The following MAP3K7 variants were observed in gnomAD, a reference collection of about 807,000 sequenced individuals.
The protein encoded by MAP3K7 is mitogen-activated protein kinase kinase kinase 7.
A neutral mutation model predicts 84.8 loss-of-function variants in MAP3K7; 21 were observed. The ratio of observed to expected loss-of-function variants is 0.25; its 90% CI spans 0.18 to 0.36. The LOEUF is 0.36. Ranked by LOEUF, MAP3K7 falls within the 10% of genes least tolerant of loss-of-function variation. The pLI is 1.00. For missense variants in MAP3K7, 503 were observed against 747.7 expected (o/e 0.67, Z 3.82); for synonymous variants, 241 against 247.7 (o/e 0.97, Z 0.25).
intron 3 of MAP3K7, among the ~76,000 whole-genome samples, chr6:90,564,277 T>C (rs1481972902): frequency 2.0e-5 from 3 of 152,098 alleles, no homozygotes; most frequent in South Asian, 2.1e-4. Context: ...GACTGGCAAA[T>C]TGGATAGAGA....
At chr6:90,536,479 G>C in intron 12 of MAP3K7, 78 bp from the exon 13 acceptor site, 1 of 930,752 alleles carries the variant, frequency 1.1e-6, no homozygotes, top group East Asian at 2.9e-5. Flanking sequence ...ACAGCAGAAA[G>C]TTGGAATTTG....
chr6:90,584,183 T>C (rs1345906645), intron 1 of MAP3K7, among the ~76,000 whole-genome samples: 1 of 152,180 alleles, frequency 6.6e-6, no homozygotes, highest in Non-Finnish European at 1.5e-5. Flanking sequence ...ATAGTTTTTG[T>C]TTCTGGTCAT....
chr6:90,564,479 T>C, intron 3 of MAP3K7, among the ~76,000 whole-genome samples: 1 of 152,138 alleles, frequency 6.6e-6, no homozygotes, highest in East Asian at 1.9e-4. Flanking sequence ...AAGAAGGCCA[T>C]TACATAATGG....
At chr6:90,521,372 T>A (rs1003990178) in intron 14 of MAP3K7, among the ~76,000 whole-genome samples, 3 of 152,042 alleles carry the variant, frequency 2.0e-5, no homozygotes, top group African/African-American at 7.2e-5. Flanking sequence ...CTCTCTTTTC[T>A]GACCCCTCAA....
intron 13 of MAP3K7, among the ~76,000 whole-genome samples, chr6:90,534,769 A>C (rs1437898149): frequency 1.3e-5 from 2 of 152,188 alleles, no homozygotes; most frequent in African/African-American, 4.8e-5. Flanking sequence ...GCTGCTCCTG[A>C]CATGTCTTAG....
At position 90,544,286 on chromosome 6, in the gene MAP3K7, G is replaced by T. The variant is rs1775936525; in HGVS notation, c.1291+266C>A. 1.3e-5 allele frequency among the ~76,000 whole-genome samples: 2 copies of T among 152,110 alleles called. 1 individual carries two copies. Among genetic ancestry groups the T allele is most frequent in the South Asian group, 4.1e-4 (2 of 4,836 alleles). ...GTGCTCACTTAAAAGTAGAGAGGAA[G>T]TTGGTAGAATTCTGGGTTGGTGTTC... is the stretch of plus-strand genomic sequence containing the variant. On this transcript the variant is annotated intron_variant, in intron 12 of 16. Coordinates refer to ENST00000369329, the MANE Select transcript of MAP3K7 (RefSeq NM_145331.3).
At chr6:90,553,960 C>T (rs896298548) in intron 6 of MAP3K7, among the ~76,000 whole-genome samples, 1 of 152,200 alleles carries the variant, frequency 6.6e-6, no homozygotes, top group South Asian at 2.1e-4. Flanking sequence ...TATTCTGAGA[C>T]AGGATCTCAC....
At chr6:90,566,370 G>T (rs1776705105) in intron 3 of MAP3K7, among the ~76,000 whole-genome samples, 1 of 152,130 alleles carries the variant, frequency 6.6e-6, no homozygotes, top group Non-Finnish European at 1.5e-5. Flanking sequence ...AAAGTCTCAG[G>T]ATACAAAATT....
rs979586787 is a variant in MAP3K7, at chr6:90,523,876, G to C, written c.1357-93C>G. On this transcript the variant is annotated intron_variant, in intron 13 of 16. Transcript: ENST00000369329. ...CCATTAAAAGGCAAGAAGAGACTTA[G>C]AGATCCCCCCAAAACTCTTGTAAAC... 7 of 724,954 alleles carry C rather than the reference G, an allele frequency of 9.7e-6. No homozygotes were observed. In the Admixed American group the frequency reaches 1.5e-4, roughly 16 times the overall value. 44.9% of individuals were successfully genotyped at this position (724,954 alleles called of 1,614,324 possible).
chr6:90,520,737 C>T (rs893167738), intron 14 of MAP3K7, among the ~76,000 whole-genome samples: 1 of 152,002 alleles, frequency 6.6e-6, no homozygotes, highest in Non-Finnish European at 1.5e-5. Flanking sequence ...TCTGAAGTGG[C>T]TAAACAAGAA....
chr6:90,555,083 T>C (rs1776293377), intron 6 of MAP3K7, among the ~76,000 whole-genome samples: 1 of 152,228 alleles, frequency 6.6e-6, no homozygotes, highest in Non-Finnish European at 1.5e-5. Context: ...ATACCTTCAG[T>C]TCAACTTCTT....
intron 14 of MAP3K7, among the ~76,000 whole-genome samples, chr6:90,521,532 T>C (rs1212598213): frequency 2.0e-5 from 3 of 152,098 alleles, no homozygotes; most frequent in Non-Finnish European, 4.4e-5. Context: ...AACTGATTTC[T>C]CTTACAACTA....
intron 9 of MAP3K7, 137 bp downstream of exon 9, chr6:90,550,331 C>A (rs1284992973): frequency 4.9e-5 from 28 of 567,406 alleles, no homozygotes; most frequent in Non-Finnish European, 7.9e-5. Flanking sequence ...CCTGTAAACT[C>A]AAATTGCAGT....
chr6:90,517,303 C>T (rs531863959), intron 16 of MAP3K7, among the ~76,000 whole-genome samples: 1 of 151,806 alleles, frequency 6.6e-6, no homozygotes, highest in Admixed American at 6.6e-5. Context: ...TATTTGGGAA[C>T]TATTAAGTAT....
intron 1 of MAP3K7, among the ~76,000 whole-genome samples, chr6:90,572,273 T>TA (rs1264634136): frequency 6.6e-6 from 1 of 152,036 alleles, no homozygotes; most frequent in East Asian, 1.9e-4. Context: ...GGAGAAACGA[T>TA]ATAAATATAG....
intron 11 of MAP3K7, among the ~76,000 whole-genome samples, chr6:90,545,625 G>A (rs1231021255): frequency 6.6e-6 from 1 of 152,100 alleles, no homozygotes; most frequent in Non-Finnish European, 1.5e-5. Flanking sequence ...GTGACTCATG[G>A]AGACTCATGG....
intron 1 of MAP3K7, among the ~76,000 whole-genome samples, chr6:90,577,204 G>C (rs1161423790): frequency 1.3e-5 from 2 of 152,198 alleles, no homozygotes; most frequent in Admixed American, 6.5e-5. Context: ...CTGCATCCAG[G>C]CAGGACAGGT....
chr6:90,552,566 T>C (rs1478167591), intron 7 of MAP3K7, among the ~76,000 whole-genome samples: 1 of 152,210 alleles, frequency 6.6e-6, no homozygotes, highest in Non-Finnish European at 1.5e-5. Flanking sequence ...TAGGCAGACA[T>C]TTGTTTTTAG....
chr6:90,570,817 T>A (rs1021642297), intron 2 of MAP3K7, among the ~76,000 whole-genome samples: 4 of 152,204 alleles, frequency 2.6e-5, no homozygotes, highest in Non-Finnish European at 4.4e-5. Context: ...AATAGCTTTA[T>A]CTAAACTGTA....
Sources: gnomAD v4.1 joint callset for allele counts (sites outside exome capture counted in the v4.1 genomes callset) on GRCh38, gnomAD v4.1.1 for gene constraint, MANE v1.5 for transcripts, NCBI Gene and HGNC (gene_info 2026-07-23, HGNC 2026-07-21) for gene names.